Variants in RCBTB1 observed in about 807,000 individuals in gnomAD.
RCBTB1 encodes the protein RCC1 and BTB domain-containing protein 1.
RCBTB1 carries 46 observed loss-of-function variants against 62.4 expected under a neutral mutation model. That is an observed-to-expected ratio of 0.74 (90% CI 0.58 to 0.94). The LOEUF is 0.94. Among genes scored for constraint, RCBTB1 ranks in the 40% least tolerant of loss-of-function variants. The probability of loss-of-function intolerance (pLI) is 0.00; values close to 1 mark genes in which losing one functional copy is unlikely to be tolerated. For missense variants in RCBTB1, 565 were observed against 654.9 expected, an observed-to-expected ratio of 0.86 and a Z score of 1.50; for synonymous variants, 222 against 245.8, an observed-to-expected ratio of 0.90 and a Z score of 0.91.
intron 9 of RCBTB1, chr13:49,547,260 C>CTCTTCCT (rs750790476): frequency 0.016 from 16,998 of 1,062,134 alleles, 204 homozygotes; most frequent in Non-Finnish European, 0.018. Context: ...CACTTTAAGG[C>CTCTTCCT]AAGCTTAACT....
At chr13:49,562,955 A>T (rs1193845231) in intron 4 of RCBTB1, among the ~76,000 whole-genome samples, 1 of 151,816 alleles carries the variant, frequency 6.6e-6, no homozygotes, top group Non-Finnish European at 1.5e-5. Flanking sequence ...AAATATTACA[A>T]GAAGAAATTT....
intron 2 of RCBTB1, among the ~76,000 whole-genome samples, chr13:49,568,075 T>G (rs1963146294): frequency 6.6e-6 from 1 of 152,256 alleles, no homozygotes; most frequent in Non-Finnish European, 1.5e-5. Flanking sequence ...CCCAGTGATC[T>G]GTAATTCCTT....
chr13:49,549,979 A>C (rs1369784224), intron 8 of RCBTB1: 2 of 850,018 alleles, frequency 2.4e-6, no homozygotes, highest in African/African-American at 3.7e-5. Context: ...GTGATGGCTT[A>C]AATACCATTT....
chr13:49,551,597 G>C (rs756000111), intron 7 of RCBTB1, 129 bp from the exon 8 acceptor site: 2 of 1,087,424 alleles, frequency 1.8e-6, no homozygotes. Flanking sequence ...ACATTTGCTG[G>C]AACATTAAAA....
intron 9 of RCBTB1, 31 bp downstream of exon 9, chr13:49,549,427 C>T (rs759902705): frequency 6.3e-7 from 1 of 1,579,254 alleles, no homozygotes; most frequent in South Asian, 1.2e-5. Flanking sequence ...TACCATTCTT[C>T]CTGGGTGGAG....
At chr13:49,561,477 A>T (rs1269400663) in intron 4 of RCBTB1, among the ~76,000 whole-genome samples, 1 of 152,212 alleles carries the variant, frequency 6.6e-6, no homozygotes. Context: ...AAAAAGTATG[A>T]TCCATGATAT....
chr13:49,564,420 A>C (rs890076780), intron 4 of RCBTB1, among the ~76,000 whole-genome samples: 2 of 151,238 alleles, frequency 1.3e-5, no homozygotes, highest in Non-Finnish European at 2.9e-5. Context: ...CCCAGTCTCT[A>C]CTAAAAGTAC....
chr13:49,564,583 C>CAAA (rs10710755), intron 4 of RCBTB1, among the ~76,000 whole-genome samples: 5 of 39,326 alleles, frequency 1.3e-4, no homozygotes, highest in Admixed American at 8.9e-4. Context: ...GACTCCTTCT[C>CAAA]AAAAAAAAAA....
intron 4 of RCBTB1, 24 bp from the exon 5 acceptor site, chr13:49,560,108 A>G: frequency 6.2e-7 from 1 of 1,604,060 alleles, no homozygotes; most frequent in Non-Finnish European, 8.5e-7. Flanking sequence ...GCACACAAAA[A>G]ATCAGCTCCA....
At chr13:49,560,735 G>T (rs945852171) in intron 4 of RCBTB1, among the ~76,000 whole-genome samples, 1 of 152,112 alleles carries the variant, frequency 6.6e-6, no homozygotes, top group South Asian at 2.1e-4. Context: ...ATCTCAGGAA[G>T]ATTAAAAGGC....
Position 49,533,591 on chromosome 13 carries a change from A to G in RCBTB1, c.*531T>C, listed in dbSNP as rs954770427. ...TTAAAAAAGTCATCAACGCAAGCACACAAACAAAAGTCTGAAACAATCTTA... is the reference window on the plus strand; with the variant it reads ...TTAAAAAAGTCATCAACGCAAGCACGCAAACAAAAGTCTGAAACAATCTTA... On this transcript the variant is annotated 3_prime_UTR_variant, in exon 13 of 13. Coordinates refer to ENST00000378302, the MANE Select transcript of RCBTB1 (RefSeq NM_018191.4). 2 of 152,254 alleles carry G rather than the reference A, an allele frequency of 1.3e-5. No homozygotes were observed. Among genetic ancestry groups the G allele is most frequent in the Admixed American group, 6.5e-5 (1 of 15,290 alleles). 9.4% of individuals were successfully genotyped at this position (152,254 alleles called of 1,614,324 possible).
intron 8 of RCBTB1, 54 bp downstream of exon 8, chr13:49,551,272 A>G: frequency 1.3e-6 from 2 of 1,593,394 alleles, no homozygotes; most frequent in East Asian, 4.5e-5. Context: ...TGCCACACAC[A>G]GCCCCAAGGC....
Position 49,560,016 on chromosome 13 carries a change from T to C in RCBTB1, c.346A>G (p.Ile116Val), listed in dbSNP as rs1452816436. The change falls in exon 5 of 13, where the codon ATT becomes GTT. Residue 116 changes from isoleucine (I) to valine (V), a missense_variant. Transcript: ENST00000378302. ...TTGGTACAGACCTGGACGGGAGCAA[T>C]GCCTTGGTTGGTCGTCCCATTCCCA... Reference protein sequence around the residue: ...QLGNGTTNQGIAPVQVCTNLL... With the variant: ...QLGNGTTNQGVAPVQVCTNLL... 3 of 1,614,194 alleles carry C rather than the reference T, an allele frequency of 1.9e-6. No individual in the cohort carries two copies. The highest frequency in any genetic ancestry group is 1.7e-5 in the Admixed American group (1 of 60,018).
intron 2 of RCBTB1, among the ~76,000 whole-genome samples, chr13:49,571,406 A>G (rs1159098790): frequency 6.6e-6 from 1 of 152,178 alleles, no homozygotes; most frequent in Non-Finnish European, 1.5e-5. Context: ...GCTTCTGCCT[A>G]GATTTGCCTG....
chr13:49,557,757 C>CAA (rs11378020), intron 5 of RCBTB1, among the ~76,000 whole-genome samples: 5 of 150,862 alleles, frequency 3.3e-5, no homozygotes, highest in South Asian at 4.2e-4. Context: ...CTTGTCTCTA[C>CAA]AAAAAAAAAT....
chr13:49,559,374 T>C (rs1242916423), intron 5 of RCBTB1, among the ~76,000 whole-genome samples: 1 of 152,134 alleles, frequency 6.6e-6, no homozygotes, highest in African/African-American at 2.4e-5. Context: ...AGAAAGTTGT[T>C]GGCTGGGCAC....
At chr13:49,564,829 T>C (rs1172417723) in intron 4 of RCBTB1, among the ~76,000 whole-genome samples, 1 of 150,992 alleles carries the variant, frequency 6.6e-6, no homozygotes, top group African/African-American at 2.4e-5. Context: ...AGGTGGAGCA[T>C]GCAGTGAGCC....
At chr13:49,562,724 T>C (rs958961508) in intron 4 of RCBTB1, among the ~76,000 whole-genome samples, 27 of 147,014 alleles carry the variant, frequency 1.8e-4, no homozygotes, top group African/African-American at 6.5e-4. Context: ...CTGATCCTCC[T>C]GCCTCAGCCT....
chr13:49,582,728 G>A (rs954280557), intron 1 of RCBTB1, among the ~76,000 whole-genome samples: 1 of 152,170 alleles, frequency 6.6e-6, no homozygotes, highest in Non-Finnish European at 1.5e-5. Flanking sequence ...AGTATTTACT[G>A]TCTTTTGTAT....
Sources: gnomAD v4.1 joint callset for allele counts (sites outside exome capture counted in the v4.1 genomes callset) on GRCh38, gnomAD v4.1.1 for gene constraint, MANE v1.5 for transcripts, NCBI Gene and HGNC (gene_info 2026-07-23, HGNC 2026-07-21) for gene names.